PHF21B: variants seen among roughly 807,000 people sequenced by gnomAD.
PHF21B encodes PHD finger protein 21B.
In PHF21B, 22 loss-of-function variants were observed where a neutral mutation model predicts 62.2. The observed-to-expected ratio is 0.35, with a 90% CI of 0.25 to 0.51. The LOEUF is 0.51. Ranked by LOEUF, PHF21B falls within the 20% of genes least tolerant of loss-of-function variation. PHF21B has a pLI of 0.97. For synonymous variants in PHF21B, 341 were observed against 314.7 expected (o/e 1.08, Z -0.88); for missense variants, 701 against 707.9 (o/e 0.99, Z 0.11).
chr22:44,980,186 C>T (rs2072814199), intron 2 of PHF21B, among the ~76,000 whole-genome samples: 1 of 151,960 alleles, frequency 6.6e-6, no homozygotes, highest in Admixed American at 6.5e-5. Flanking sequence ...TGCCAAGTTC[C>T]AGGACATTTT....
chr22:44,993,400 G>A (rs1170760842), intron 2 of PHF21B, among the ~76,000 whole-genome samples: 1 of 152,172 alleles, frequency 6.6e-6, no homozygotes, highest in African/African-American at 2.4e-5. Flanking sequence ...GCCTATCCAC[G>A]CTCATCCACC....
chr22:44,889,412 G>A, intron 9 of PHF21B, among the ~76,000 whole-genome samples: 1 of 152,194 alleles, frequency 6.6e-6, no homozygotes, highest in East Asian at 1.9e-4. Context: ...CTCTGCCCAG[G>A]TCACACTGAG....
At chr22:44,913,385 G>A (rs934692290) in intron 5 of PHF21B, among the ~76,000 whole-genome samples, 1 of 152,200 alleles carries the variant, frequency 6.6e-6, no homozygotes, top group East Asian at 1.9e-4. Context: ...GGGGCCCCTA[G>A]GATGGGGTGT....
chr22:44,987,379 C>T (rs1321514629), intron 2 of PHF21B, among the ~76,000 whole-genome samples: 2 of 152,304 alleles, frequency 1.3e-5, no homozygotes, highest in South Asian at 2.1e-4. Flanking sequence ...AACGGCCAGG[C>T]TGAGAGGCAC....
chr22:44,920,579 G>A, intron 2 of PHF21B, 89 bp from the exon 3 acceptor site: 1 of 840,010 alleles, frequency 1.2e-6, no homozygotes. Context: ...GGGGGCAGCT[G>A]CCTTGGAGAC....
intron 2 of PHF21B, among the ~76,000 whole-genome samples, chr22:44,954,078 A>G (rs997837391): frequency 6.6e-6 from 1 of 152,168 alleles, no homozygotes; most frequent in Admixed American, 6.5e-5. Flanking sequence ...TCTGGCCCTG[A>G]GAGGATCCAG....
chr22:44,952,680 T>C (rs547610930), intron 2 of PHF21B, among the ~76,000 whole-genome samples: 124 of 152,348 alleles, frequency 8.1e-4, no homozygotes, highest in African/African-American at 2.8e-3. Flanking sequence ...ACATCTCCTA[T>C]GATGAATATG....
intron 2 of PHF21B, among the ~76,000 whole-genome samples, chr22:44,961,148 G>C (rs2072411586): frequency 1.3e-5 from 2 of 151,704 alleles, no homozygotes; most frequent in Admixed American, 6.6e-5. Context: ...GTAGAGATGG[G>C]GTTTCACCAG....
intron 2 of PHF21B, among the ~76,000 whole-genome samples, chr22:44,972,934 C>A (rs968086027): frequency 6.6e-6 from 1 of 152,134 alleles, no homozygotes; most frequent in African/African-American, 2.4e-5. Context: ...GCAGGCAGGG[C>A]GCTCAGAGAT....
rs2072924210 is a variant in PHF21B, at chr22:44,985,210, C to A, written c.120+23335G>T. ...AGTTTGTAAATAAATGTAAATTTAT[C>A]ATTTACAAACTTCCACACCCACTAT... On this transcript the variant is annotated intron_variant, in intron 2 of 12. Coordinates refer to ENST00000313237, the MANE Select transcript of PHF21B (RefSeq NM_138415.5). Among the ~76,000 whole-genome samples the A allele has an allele frequency of 2.0e-5, 3 of 152,202 alleles. No homozygotes were observed. The South Asian group carries it at 6.2e-4, about 31-fold the overall frequency.
At chr22:44,993,413 A>G (rs906174313) in intron 2 of PHF21B, among the ~76,000 whole-genome samples, 2 of 152,182 alleles carry the variant, frequency 1.3e-5, no homozygotes, top group Non-Finnish European at 2.9e-5. Context: ...CATCCACCAC[A>G]GCGGCACCGG....
chr22:44,975,965 C>T lies in PHF21B; in HGVS notation c.120+32580G>A, dbSNP rs113569661. On this transcript the variant is annotated intron_variant, in intron 2 of 12. Transcript: ENST00000313237. ...GACGGATTGCTTGAGTTCAAGAGTT[C>T]GAGACCAGCCTGGGCAACATGGCGA... is the stretch of plus-strand genomic sequence containing the variant. Among the ~76,000 whole-genome samples, 357 of 152,310 alleles carry T rather than the reference C, an allele frequency of 2.3e-3. 1 individual carries two copies. The highest frequency in any genetic ancestry group is 7.9e-3 in the African/African-American group (330 of 41,570).
Position 44,916,335 on chromosome 22 carries a change from G to A in PHF21B, c.509C>T (p.Ser170Phe). Residue 170 changes from serine (S) to phenylalanine (F), a missense_variant, in exon 4 of 13, where the codon TCT becomes TTT. Physicochemically the swap from Ser to Phe is radical, Grantham distance 155. Coordinates refer to ENST00000313237, the MANE Select transcript of PHF21B (RefSeq NM_138415.5). ...AAAMAPSTAV[S>F]VVSDSIKVQP... ...GACTTTGATGCTGTCACTGACCACA[G>A]ACACGGCGGTGCTGGGGGCCATGGC... 2 of 1,600,070 alleles carry A rather than the reference G, an allele frequency of 1.2e-6. No individual in the cohort carries two copies. The highest frequency in any genetic ancestry group is 1.7e-6 in the Non-Finnish European group (2 of 1,177,200).
At chr22:44,945,728 GGT>G (rs2072056019) in intron 2 of PHF21B, among the ~76,000 whole-genome samples, 1 of 1,180 alleles carries the variant, frequency 8.5e-4, no homozygotes, top group African/African-American at 1.5e-3. Flanking sequence ...GGGGGGGGGT[GGT>G]ATAAAGCAGT....
intron 2 of PHF21B, among the ~76,000 whole-genome samples, chr22:44,988,767 T>C (rs2072995418): frequency 6.6e-6 from 1 of 152,208 alleles, no homozygotes; most frequent in Non-Finnish European, 1.5e-5. Context: ...GCATATGCTG[T>C]GGTCATTTTG....
In PHF21B at chr22:44,968,265, T is replaced by C. The variant is rs368924383; in HGVS notation, c.120+40280A>G. Among the ~76,000 whole-genome samples the C allele has an allele frequency of 3.9e-5, 6 of 152,182 alleles. No homozygotes were observed. The East Asian group carries it at 5.8e-4, about 15-fold the overall frequency. On this transcript the variant is annotated intron_variant, in intron 2 of 12. Transcript: ENST00000313237. ...TCGTCTTTATTCATTTATTGAATCA[T>C]TTATTTGCATCAGCAGGGACTAAGA...
At chr22:44,972,681 A>C (rs1368484223) in intron 2 of PHF21B, among the ~76,000 whole-genome samples, 1 of 151,850 alleles carries the variant, frequency 6.6e-6, no homozygotes, top group African/African-American at 2.4e-5. Flanking sequence ...GAAAGCCCTC[A>C]CTCAGTCAGT....
chr22:44,906,290 G>A (rs917425883), intron 5 of PHF21B, among the ~76,000 whole-genome samples: 3 of 152,194 alleles, frequency 2.0e-5, no homozygotes, highest in Admixed American at 2.0e-4. Flanking sequence ...GAGGGGGAGT[G>A]ACTTAGTTAT....
chr22:44,951,655 A>T (rs1172433920), intron 2 of PHF21B, among the ~76,000 whole-genome samples: 1 of 152,202 alleles, frequency 6.6e-6, no homozygotes, highest in Non-Finnish European at 1.5e-5. Flanking sequence ...CCCCTCTGTG[A>T]ATGGACCACA....
Sources: allele counts gnomAD v4.1 joint callset (sites outside exome capture counted in the v4.1 genomes callset), GRCh38; gene constraint gnomAD v4.1.1; transcripts MANE v1.5; gene names NCBI Gene and HGNC (gene_info 2026-07-23, HGNC 2026-07-21).